Variants in LRP1B observed in about 807,000 individuals in gnomAD.
LRP1B encodes low-density lipoprotein receptor-related protein 1B.
Under a neutral mutation model 556.6 loss-of-function variants are expected in LRP1B, and 217 were observed. The ratio of observed to expected loss-of-function variants is 0.39; its 90% CI spans 0.35 to 0.44. LRP1B has a LOEUF of 0.44. Ranked by LOEUF, LRP1B falls within the 20% of genes least tolerant of loss-of-function variation. LRP1B has a pLI of 1.00. For synonymous variants in LRP1B, 2,047 were observed against 1,865.8 expected (o/e 1.10, Z -2.50); for missense variants, 5,053 against 5,620.8 (o/e 0.90, Z 3.23).
intron 3 of LRP1B, among the ~76,000 whole-genome samples, chr2:141,375,645 G>A (rs1025202539): frequency 1.3e-5 from 2 of 152,136 alleles, no homozygotes; most frequent in Admixed American, 1.3e-4. Flanking sequence ...AGCTGCAACT[G>A]TGTCATTTCA....
At chr2:141,458,598 C>T (rs183531243) in intron 3 of LRP1B, among the ~76,000 whole-genome samples, 12 of 152,006 alleles carry the variant, frequency 7.9e-5, no homozygotes, top group Non-Finnish European at 1.2e-4. Context: ...GTTTTCCGTA[C>T]TTATAAAAGG....
chr2:140,322,328 G>T (rs1176246979), intron 81 of LRP1B, among the ~76,000 whole-genome samples: 1 of 151,928 alleles, frequency 6.6e-6, no homozygotes, highest in African/African-American at 2.4e-5. Flanking sequence ...AAAGAGAGAA[G>T]AAATTATTCA....
chr2:141,757,438 C>T (rs1262145834), intron 2 of LRP1B, among the ~76,000 whole-genome samples: 1 of 151,998 alleles, frequency 6.6e-6, no homozygotes, highest in African/African-American at 2.4e-5. Flanking sequence ...GAATTATATG[C>T]ACACTAATGT....
chr2:141,392,904 C>T (rs1690107408), intron 3 of LRP1B, among the ~76,000 whole-genome samples: 1 of 152,162 alleles, frequency 6.6e-6, no homozygotes, highest in Non-Finnish European at 1.5e-5. Flanking sequence ...AACAGATGAG[C>T]ATCAGTCAAA....
intron 1 of LRP1B, among the ~76,000 whole-genome samples, chr2:141,975,279 C>T (rs1403688395): frequency 6.6e-6 from 1 of 152,012 alleles, no homozygotes; most frequent in Non-Finnish European, 1.5e-5. Flanking sequence ...AATTTGCCTT[C>T]TAAAGGAATA....
intron 3 of LRP1B, among the ~76,000 whole-genome samples, chr2:141,464,737 C>T (rs988779638): frequency 2.6e-5 from 4 of 151,358 alleles, no homozygotes; most frequent in Admixed American, 6.6e-5. Context: ...CGTCCCTTTG[C>T]TGTGACTTTT....
chr2:141,203,769 A>G (rs1462542648), intron 6 of LRP1B, among the ~76,000 whole-genome samples: 3 of 152,206 alleles, frequency 2.0e-5, no homozygotes, highest in Admixed American at 6.5e-5. Flanking sequence ...GAAATTGACC[A>G]CATAATTGGA....
intron 1 of LRP1B, among the ~76,000 whole-genome samples, chr2:141,854,406 T>C (rs1697974524): frequency 6.6e-6 from 1 of 152,048 alleles, no homozygotes; most frequent in Non-Finnish European, 1.5e-5. Flanking sequence ...AATGTGACAA[T>C]TTATTCTTAA....
At chr2:140,505,605 G>T (rs553156264) in intron 53 of LRP1B, among the ~76,000 whole-genome samples, 20 of 152,232 alleles carry the variant, frequency 1.3e-4, no homozygotes, top group African/African-American at 4.8e-4. Context: ...TCTAGCAGAG[G>T]GGAGATATTC....
At chr2:141,727,125 A>T (rs1461935653) in intron 2 of LRP1B, among the ~76,000 whole-genome samples, 2 of 152,124 alleles carry the variant, frequency 1.3e-5, no homozygotes, top group African/African-American at 2.4e-5. Context: ...TTTGAAGAAG[A>T]AACAAGGAAA....
chr2:141,998,844 A>G (rs902340602), intron 1 of LRP1B, among the ~76,000 whole-genome samples: 15 of 152,192 alleles, frequency 9.9e-5, no homozygotes, highest in South Asian at 2.1e-4. Flanking sequence ...ATGGAGACCA[A>G]CGTTTTATCA....
rs1281293768 is a variant in LRP1B at position 140,590,782 on chromosome 2, T to C, written c.7194+7849A>G. 5.3e-5 allele frequency among the ~76,000 whole-genome samples: 8 copies of C among 152,206 alleles called. No homozygotes were observed. The East Asian group carries it at 9.6e-4, about 18-fold the overall frequency. ...CCACCCAGTCTAAAGTATTGTGTTA[T>C]GGCAAACAGAGCACACTAAGACAAC... On this transcript the variant is annotated intron_variant, in intron 43 of 90. Coordinates refer to ENST00000389484, the MANE Select transcript of LRP1B (RefSeq NM_018557.3).
At chr2:140,639,281 TA>T (rs1198874105) in intron 41 of LRP1B, among the ~76,000 whole-genome samples, 1 of 152,166 alleles carries the variant, frequency 6.6e-6, no homozygotes, top group African/African-American at 2.4e-5. Context: ...GATTACTAAT[TA>T]AAAAAACTAA....
rs60712957 is a variant in LRP1B at position 140,626,701 on chromosome 2, TAAAAA to T, written c.6800-25067_6800-25063del. Among the ~76,000 whole-genome samples, 234 of 142,196 alleles carry T rather than the reference TAAAAA, an allele frequency of 1.6e-3. 1 individual carries two copies. Among genetic ancestry groups the T allele is most frequent in the Admixed American group, 4.0e-3 (58 of 14,322 alleles). 93.3% of individuals were successfully genotyped at this position (142,196 alleles called of 152,430 possible). On this transcript the variant is annotated intron_variant, in intron 41 of 90. Transcript: ENST00000389484. Reference sequence around the variant, plus strand: ...TACACAAAAATTTAAAGCTTCCATTTAAAAAAAAAAAAAAAAGAGTAAATAAGGAT... The same window carrying T: ...TACACAAAAATTTAAAGCTTCCATTTAAAAAAAAAAAGAGTAAATAAGGAT...
At position 140,510,812 on chromosome 2, in the gene LRP1B, G is replaced by A. The variant is rs568671450; in HGVS notation, c.8270-756C>T. 9.9e-5 allele frequency among the ~76,000 whole-genome samples: 15 copies of A among 152,130 alleles called. No homozygotes were observed. The South Asian group carries it at 2.3e-3, about 23-fold the overall frequency. On this transcript the variant is annotated intron_variant, in intron 51 of 90. Coordinates refer to ENST00000389484, the MANE Select transcript of LRP1B (RefSeq NM_018557.3). ...TTTCAAAAAAATGCTTGTTGACTTG[G>A]ACTTTTAAGTACAAAGGGTTCCTCT...
At chr2:141,175,531 A>G (rs1413796970) in intron 7 of LRP1B, among the ~76,000 whole-genome samples, 1 of 152,148 alleles carries the variant, frequency 6.6e-6, no homozygotes, top group Admixed American at 6.5e-5. Context: ...TTGAACCTGC[A>G]TTCACAGAAG....
rs754548213 is a variant in LRP1B, at chr2:140,509,929, G to A, written c.8397C>T (p.Cys2799=). The change falls in exon 52 of 91, where the codon TGC becomes TGT. Residue 2799 remains cysteine, a splice_region_variant and synonymous_variant. Coordinates refer to ENST00000389484, the MANE Select transcript of LRP1B (RefSeq NM_018557.3). ...DGSDELSTAG[C]APNNTCDENA... is the part of the protein sequence containing the mutation. ...TGCAGCCCTGGCCAGTGTTCATACC[G>A]CAGCCTGCTGTGGAAAGCTCATCGC... The A allele has an allele frequency of 1.7e-5, 28 of 1,612,568 alleles. No homozygotes were observed. Among genetic ancestry groups the A allele is most frequent in the Admixed American group, 6.7e-5 (4 of 59,704 alleles).
At chr2:140,309,708 A>G (rs751717409) in intron 83 of LRP1B, among the ~76,000 whole-genome samples, 15 of 151,956 alleles carry the variant, frequency 9.9e-5, no homozygotes, top group East Asian at 5.8e-4. Context: ...TTAATTTTCA[A>G]TGAAAACAAT....
At chr2:141,050,319 G>T (rs1698998486) in intron 10 of LRP1B, among the ~76,000 whole-genome samples, 1 of 151,636 alleles carries the variant, frequency 6.6e-6, no homozygotes, top group Admixed American at 6.6e-5. Context: ...ATATATAAAA[G>T]AATATTGGTA....
Sources: gnomAD v4.1 joint callset for allele counts (sites outside exome capture counted in the v4.1 genomes callset) on GRCh38, gnomAD v4.1.1 for gene constraint, MANE v1.5 for transcripts, NCBI Gene and HGNC (gene_info 2026-07-23, HGNC 2026-07-21) for gene names.